The following POLN variants were observed in gnomAD, a reference collection of about 807,000 sequenced individuals.
The protein encoded by POLN is DNA polymerase N.
Under a neutral mutation model 113.5 loss-of-function variants are expected in POLN, and 108 were observed. The ratio of observed to expected loss-of-function variants is 0.95; its 90% CI spans 0.81 to 1.12. The LOEUF (loss-of-function observed/expected upper bound fraction) is 1.12. Among genes scored for constraint, POLN ranks in the 50% most tolerant of loss-of-function variants. The pLI is 0.00. For synonymous variants in POLN, 386 were observed against 391.5 expected, an observed-to-expected ratio of 0.99 and a Z score of 0.17; for missense variants, 1,097 against 1,077.1, an observed-to-expected ratio of 1.02 and a Z score of -0.26.
intron 2 of POLN, among the ~76,000 whole-genome samples, chr4:2,232,632 C>T (rs1734622680): frequency 6.6e-6 from 1 of 152,120 alleles, no homozygotes; most frequent in Non-Finnish European, 1.5e-5. Flanking sequence ...CACAAATCTC[C>T]ATTTTTCATT....
Position 2,116,551 on chromosome 4 carries a change from T to TAA in POLN, c.1982+11560_1982+11561dup, listed in dbSNP as rs34335060. Among the ~76,000 whole-genome samples, 1,171 of 147,380 alleles carry TAA rather than the reference T, an allele frequency of 7.9e-3. 15 individuals carry two copies. Among genetic ancestry groups the TAA allele is most frequent in the Non-Finnish European group, 8.6e-3 (578 of 66,828 alleles). ...ATCCTTCTTCTCATGAATTACCAAT[T>TAA]AAAAAAAAAAAACCCAAATCCATGT... On this transcript the variant is annotated intron_variant, in intron 19 of 25. Transcript: ENST00000511885.
intron 3 of POLN, among the ~76,000 whole-genome samples, chr4:2,219,698 T>C (rs190815224): frequency 1.3e-4 from 20 of 152,204 alleles, no homozygotes; most frequent in Admixed American, 6.5e-4. Context: ...ACCTGCTGAG[T>C]TTCCCAGCCC....
intron 19 of POLN, among the ~76,000 whole-genome samples, chr4:2,125,156 C>T (rs2108721936): frequency 6.6e-6 from 1 of 152,270 alleles, no homozygotes; most frequent in Non-Finnish European, 1.5e-5. Flanking sequence ...TGGATGAAGG[C>T]TGCCATGTAA....
chr4:2,149,296 AAAAC>A (rs149342459), intron 16 of POLN, among the ~76,000 whole-genome samples: 119,930 of 150,690 alleles, frequency 0.8, 50,337 homozygotes, highest in Non-Finnish European at 0.94. Context: ...CCCTATCTCA[AAAAC>A]AAACAAACAA....
At chr4:2,174,775 TCAA>T (rs773685213) in intron 9 of POLN, 24 bp from the exon 10 acceptor site, 12 of 1,503,638 alleles carry the variant, frequency 8.0e-6, no homozygotes, top group Non-Finnish European at 1.1e-5. Flanking sequence ...AGAAATAACA[TCAA>T]CGTCAATTTA....
chr4:2,183,913 G>A (rs1733206391), intron 7 of POLN, among the ~76,000 whole-genome samples: 1 of 147,632 alleles, frequency 6.8e-6, no homozygotes, highest in Non-Finnish European at 1.5e-5. Flanking sequence ...ACAGAGTCTT[G>A]CGAGATCTCT....
rs886606702 is a variant in POLN at position 2,231,892 on chromosome 4, A to G, written c.-12-2649T>C. On this transcript the variant is annotated intron_variant, in intron 2 of 25. Coordinates refer to ENST00000511885, the MANE Select transcript of POLN (RefSeq NM_181808.4). ...TACACAGTCTTCTAATAAATAAAAG[A>G]GGACACGTAATAAAGATTCAGTTTT... The G allele has an allele frequency of 4.5e-6, 4 of 891,920 alleles. No homozygotes were observed. In the African/African-American group the frequency reaches 6.9e-5, roughly 15 times the overall value. 55.3% of individuals were successfully genotyped at this position (891,920 alleles called of 1,614,324 possible).
intron 2 of POLN, chr4:2,240,141 T>C (rs1417308702): frequency 6.2e-7 from 1 of 1,613,842 alleles, no homozygotes; most frequent in South Asian, 1.1e-5. Flanking sequence ...AGCACAAATG[T>C]ATGCGAGCTG....
chr4:2,216,785 C>T (rs1382740193), intron 3 of POLN, among the ~76,000 whole-genome samples: 5 of 152,206 alleles, frequency 3.3e-5, no homozygotes, highest in African/African-American at 1.2e-4. Flanking sequence ...GACTGTTTCC[C>T]TCCAAGGAAG....
At chr4:2,168,557 C>T (rs1009119679) in intron 13 of POLN, among the ~76,000 whole-genome samples, 24 of 152,348 alleles carry the variant, frequency 1.6e-4, no homozygotes, top group African/African-American at 5.5e-4. Context: ...GAGAGCACAT[C>T]GGCACCAGAA....
intron 14 of POLN, among the ~76,000 whole-genome samples, chr4:2,158,179 T>C (rs1046445708): frequency 6.6e-6 from 1 of 152,188 alleles, no homozygotes; most frequent in African/African-American, 2.4e-5. Flanking sequence ...CTCGAACCTC[T>C]GACCTCAGGT....
chr4:2,176,945 C>G (rs35059979), intron 8 of POLN, among the ~76,000 whole-genome samples: 1 of 151,990 alleles, frequency 6.6e-6, no homozygotes, highest in Admixed American at 6.6e-5. Context: ...ACAAATCCCC[C>G]ACCTCCAGCC....
At chr4:2,223,763 G>GT (rs1286941068) in intron 3 of POLN, among the ~76,000 whole-genome samples, 4 of 152,144 alleles carry the variant, frequency 2.6e-5, no homozygotes, top group Non-Finnish European at 5.9e-5. Flanking sequence ...CTAAACATAG[G>GT]TAAAAATACA....
At chr4:2,073,054 C>A (rs976138452) in intron 24 of POLN, 25 bp from the exon 25 acceptor site, 2 of 1,610,402 alleles carry the variant, frequency 1.2e-6, no homozygotes. Context: ...AGAGAGGAGG[C>A]CCTGCTGGTC....
At chr4:2,231,850 T>C (rs1734589177) in intron 2 of POLN, 2 of 667,236 alleles carry the variant, frequency 3.0e-6, no homozygotes, top group African/African-American at 3.8e-5. Context: ...ATTTTAAAAA[T>C]TTAGTAGTGT....
intron 16 of POLN, among the ~76,000 whole-genome samples, chr4:2,144,716 TA>T (rs1732091633): frequency 6.6e-6 from 1 of 152,314 alleles, no homozygotes; most frequent in Non-Finnish European, 1.5e-5. Context: ...ACTCGATAAC[TA>T]AGATGTAAGT....
At chr4:2,158,580 C>A (rs1421737789) in intron 14 of POLN, among the ~76,000 whole-genome samples, 1 of 152,178 alleles carries the variant, frequency 6.6e-6, no homozygotes, top group Admixed American at 6.5e-5. Context: ...GCTGCCAGGC[C>A]CTCAGGATAC....
rs376554751 is a variant in POLN at position 2,093,465 on chromosome 4, G to C, written c.2065+2386C>G. On this transcript the variant is annotated intron_variant, in intron 20 of 25. Transcript: ENST00000511885. The surrounding 1 kb of genome is among the most constrained non-coding windows in gnomAD (Gnocchi z 4.1). The stretch of plus-strand genomic sequence containing the variant: ...CATTTTCCCAGGAGGAGATGGCACA[G>C]GGAGGCGGAGGGCCTTGCACAAGGC... Among the ~76,000 whole-genome samples the C allele has an allele frequency of 9.8e-5, 15 of 152,358 alleles. No individual in the cohort carries two copies. The highest frequency in any genetic ancestry group is 1.5e-4 in the Non-Finnish European group (10 of 68,030).
intron 19 of POLN, among the ~76,000 whole-genome samples, chr4:2,105,706 C>G (rs1731048506): frequency 6.6e-6 from 1 of 152,012 alleles, no homozygotes; most frequent in Admixed American, 6.5e-5. Context: ...CACATGTACA[C>G]AGAATGGTCA....
Sources: allele counts gnomAD v4.1 joint callset (sites outside exome capture counted in the v4.1 genomes callset), GRCh38; gene constraint gnomAD v4.1.1; non-coding constraint Gnocchi (gnomAD v3.1); transcripts MANE v1.5; gene names NCBI Gene and HGNC (gene_info 2026-07-23, HGNC 2026-07-21).